The following POLR2F variants were observed in gnomAD, a reference collection of about 807,000 sequenced individuals.
The protein encoded by POLR2F is DNA-directed RNA polymerases I, II, and III subunit RPABC2.
POLR2F carries 12 observed loss-of-function variants against 22.7 expected under a neutral mutation model. The ratio of observed to expected loss-of-function variants is 0.53; its 90% CI spans 0.34 to 0.86. The LOEUF is 0.86. Ranked by LOEUF, POLR2F falls within the 40% of genes least tolerant of loss-of-function variation. POLR2F has a pLI of 0.02. For synonymous variants in POLR2F, 57 were observed against 66.0 expected (o/e 0.86, Z 0.66); for missense variants, 126 against 171.5 (o/e 0.73, Z 1.48).
intron 5 of POLR2F, among the ~76,000 whole-genome samples, chr22:38,035,778 C>T (rs534009008): frequency 6.6e-6 from 1 of 152,288 alleles, no homozygotes; most frequent in East Asian, 1.9e-4. Flanking sequence ...GTGGGAGGTG[C>T]TGCCCCTTCC....
At position 37,956,680 on chromosome 22, in the gene POLR2F, G is replaced by A; in HGVS notation, c.21-93G>A. ...GATCCGCCCACTTCAATCTCCGAAA[G>A]TACCAGGATTACAAGTGTGATCCAC... On this transcript the variant is annotated intron_variant, in intron 1 of 4. Transcript: ENST00000442738. The A allele has an allele frequency of 3.9e-6, 4 of 1,018,208 alleles. No homozygotes were observed. The South Asian group carries it at 5.2e-5, about 13-fold the overall frequency. 63.1% of individuals were successfully genotyped at this position (1,018,208 alleles called of 1,614,324 possible).
downstream of POLR2F, chr22:37,973,486 G>A: frequency 6.4e-7 from 1 of 1,555,610 alleles, no homozygotes; most frequent in Non-Finnish European, 8.7e-7. Context: ...GGTGGCGACA[G>A]GGCCCCCTTT....
At chr22:38,015,292 G>C (rs900088141) in intron 1 of POLR2F, among the ~76,000 whole-genome samples, 2 of 152,236 alleles carry the variant, frequency 1.3e-5, no homozygotes, top group African/African-American at 4.8e-5. Context: ...CTGAGGTGGT[G>C]GGGATGGTTT....
At position 37,968,906 on chromosome 22, in the gene POLR2F, G is replaced by A; in HGVS notation, c.*1191G>A. ...TGCCCTGGAGAAGGGTTAATTCAGG[G>A]AGCAGTGGACTTCACACTCCCATCC... On this transcript the variant is annotated 3_prime_UTR_variant, in exon 5 of 5. Transcript: ENST00000442738. 2 of 985,400 alleles carry A rather than the reference G, an allele frequency of 2.0e-6. No individual in the cohort carries two copies. The highest frequency in any genetic ancestry group is 2.4e-6 in the Non-Finnish European group (2 of 829,906). The allele number at this position is 985,400 out of a possible 1,614,324, so 61.0% of individuals were successfully genotyped here.
chr22:37,998,843 G>A (rs974690281), intron 1 of POLR2F, among the ~76,000 whole-genome samples: 2 of 151,932 alleles, frequency 1.3e-5, no homozygotes, highest in African/African-American at 2.4e-5. Flanking sequence ...AGGGAGAGGA[G>A]AGGAGAGGAG....
chr22:37,989,409 G>A (rs564066213), intron 1 of POLR2F, among the ~76,000 whole-genome samples: 35 of 152,296 alleles, frequency 2.3e-4, no homozygotes, highest in Admixed American at 1.0e-3. Flanking sequence ...AGTATTAACC[G>A]AGCAGCCACC....
intron 1 of POLR2F, among the ~76,000 whole-genome samples, chr22:37,994,870 C>T (rs2145792427): frequency 6.6e-6 from 1 of 152,316 alleles, no homozygotes; most frequent in Non-Finnish European, 1.5e-5. Flanking sequence ...TCATTGAACT[C>T]CTGAGCTCAA....
At chr22:38,032,542 A>T (rs999285150) in intron 5 of POLR2F, 2 of 152,312 alleles carry the variant, frequency 1.3e-5, no homozygotes, top group Non-Finnish European at 2.9e-5. Flanking sequence ...AGTCAGGCAC[A>T]TAGTCCACTG....
At chr22:38,041,084 G>C in exon 6 of POLR2F, 1 of 1,612,970 alleles carries the variant, frequency 6.2e-7, no homozygotes, top group Non-Finnish European at 8.5e-7. Context: ...GCGGCTCAGA[G>C]AGGAGTGACT....
At chr22:38,002,381 T>G (rs1371493664) in intron 1 of POLR2F, among the ~76,000 whole-genome samples, 1 of 152,220 alleles carries the variant, frequency 6.6e-6, no homozygotes, top group Non-Finnish European at 1.5e-5. Context: ...CGTGGGTACA[T>G]TTCAACATGC....
In POLR2F at chr22:37,986,262, C is replaced by T; in HGVS notation, c.72C>T (p.Asn24=). 1 of 1,539,692 alleles carries T rather than the reference C, an allele frequency of 6.5e-7. No homozygotes were observed. Among genetic ancestry groups the T allele is most frequent in the East Asian group, 2.4e-5 (1 of 40,914 alleles). The stretch of plus-strand genomic sequence containing the variant: ...CCGGCTGCCCTGCAGTCGCCTCCAA[C>T]ACCCGCTGCTGCCCGCCCGCTGCCT... Residue 24 remains asparagine (N), a synonymous_variant, in exon 1 of 3, where the codon AAC becomes AAT. Transcript: ENST00000333418. The surrounding 1 kb of genome is among the most constrained non-coding windows in gnomAD (Gnocchi z 4.7).
intron 1 of POLR2F, among the ~76,000 whole-genome samples, chr22:38,005,136 G>A (rs551094135): frequency 6.6e-5 from 10 of 152,338 alleles, no homozygotes; most frequent in Non-Finnish European, 1.3e-4. Context: ...AGAACTCAGC[G>A]AGTAGATATG....
intron 1 of POLR2F, among the ~76,000 whole-genome samples, chr22:38,004,185 G>GC (rs1491043848): frequency 2.6e-5 from 4 of 151,658 alleles, no homozygotes; most frequent in Non-Finnish European, 1.5e-5. Context: ...ATGTGGGGGG[G>GC]GTCTCACTAT....
intron 1 of POLR2F, among the ~76,000 whole-genome samples, chr22:37,998,485 G>A (rs1009328774): frequency 6.6e-6 from 1 of 152,200 alleles, no homozygotes; most frequent in Admixed American, 6.5e-5. Flanking sequence ...AGAACCTCAG[G>A]TGAGGAGTTG....
At position 37,968,365 on chromosome 22, in the gene POLR2F, C is replaced by T; in HGVS notation, c.*650C>T. 2.0e-6 allele frequency: 2 copies of T among 985,878 alleles called. No individual in the cohort carries two copies. The highest frequency in any genetic ancestry group is 2.4e-6 in the Non-Finnish European group (2 of 830,120). 61.1% of individuals were successfully genotyped at this position (985,878 alleles called of 1,614,324 possible). On this transcript the variant is annotated 3_prime_UTR_variant, in exon 5 of 5. Transcript: ENST00000442738. ...TCCCCACTCCTCCTCAGGACTCTGC[C>T]CACACGCTGTCCTCTGTGGCCCACC... is the stretch of plus-strand genomic sequence containing the variant.
At chr22:38,041,576 A>C (rs2085172695), downstream of POLR2F, 2 of 156,848 alleles carry the variant, frequency 1.3e-5, no homozygotes, top group Non-Finnish European at 2.8e-5. Context: ...ACGTTAACTC[A>C]TTGAACCCTC....
chr22:37,958,859 CA>C (rs1252166110), intron 2 of POLR2F, among the ~76,000 whole-genome samples: 3 of 152,200 alleles, frequency 2.0e-5, no homozygotes, highest in Non-Finnish European at 4.4e-5. Context: ...TGGCTCAGGA[CA>C]AATGCTTAGT....
rs1931928088 is a variant in POLR2F, at chr22:37,968,069, C to T, written c.*354C>T. The T allele has an allele frequency of 9.9e-7, 1 of 1,008,342 alleles. No homozygotes were observed. The highest frequency in any genetic ancestry group is 1.2e-6 in the Non-Finnish European group (1 of 844,164). 62.5% of individuals were successfully genotyped at this position (1,008,342 alleles called of 1,614,324 possible). Reference sequence around the variant, plus strand: ...CCCAGGGAGCTGGTTGCCACGGAAACCCCCAATTTCCTTTCCAGTGGGGAC... The same window carrying T: ...CCCAGGGAGCTGGTTGCCACGGAAATCCCCAATTTCCTTTCCAGTGGGGAC... On this transcript the variant is annotated 3_prime_UTR_variant, in exon 5 of 5. Transcript: ENST00000442738.
chr22:38,002,918 G>A (rs998043532), intron 1 of POLR2F, among the ~76,000 whole-genome samples: 3 of 151,964 alleles, frequency 2.0e-5, no homozygotes, highest in African/African-American at 7.3e-5. Context: ...GTAGAGACGG[G>A]GTTTCACCGT....
Sources: gnomAD v4.1 joint callset for allele counts (sites outside exome capture counted in the v4.1 genomes callset) on GRCh38, gnomAD v4.1.1 for gene constraint, Gnocchi (gnomAD v3.1) non-coding constraint, MANE v1.5 for transcripts, NCBI Gene and HGNC (gene_info 2026-07-23, HGNC 2026-07-21) for gene names.